Variants in MDM2 observed in about 807,000 individuals in gnomAD.
MDM2 encodes E3 ubiquitin-protein ligase Mdm2.
A neutral mutation model predicts 64.3 loss-of-function variants in MDM2; 11 were observed. The ratio of observed to expected loss-of-function variants is 0.17; its 90% CI spans 0.11 to 0.28. MDM2 has a LOEUF of 0.28. MDM2 is among the 10% of genes least tolerant of loss of function. The pLI, the probability that MDM2 is intolerant of heterozygous loss-of-function variation, is 1.00. For synonymous variants in MDM2, 194 were observed against 192.9 expected (o/e 1.01, Z -0.05); for missense variants, 388 against 577.1 (o/e 0.67, Z 3.36).
intron 7 of MDM2, chr12:68,824,899 T>A: frequency 2.3e-6 from 1 of 434,388 alleles, no homozygotes; most frequent in South Asian, 2.7e-5. Context: ...AACTCTCTGT[T>A]AAGATAGTAG....
chr12:68,818,320 A>G (rs1881558355), intron 4 of MDM2, among the ~76,000 whole-genome samples: 1 of 152,018 alleles, frequency 6.6e-6, no homozygotes, highest in Non-Finnish European at 1.5e-5. Context: ...TTATAACTTT[A>G]AAACAACCTT....
chr12:68,824,807 C>T, intron 7 of MDM2, 156 bp downstream of exon 7: 2 of 605,928 alleles, frequency 3.3e-6, no homozygotes, highest in South Asian at 2.1e-5. Context: ...ATTTGATTTA[C>T]AAATTGCTTA....
rs183077346 is a variant in MDM2, at chr12:68,843,521, T to A, written c.*3672T>A. 1 of 226,312 alleles carries A rather than the reference T, an allele frequency of 4.4e-6. No homozygotes were observed. Among genetic ancestry groups the A allele is most frequent in the Admixed American group, 5.7e-5 (1 of 17,546 alleles). 14.0% of individuals were successfully genotyped at this position (226,312 alleles called of 1,614,324 possible). On this transcript the variant is annotated 3_prime_UTR_variant, in exon 11 of 11. Transcript: ENST00000258149. ...GTGGATTAACTTCTTGATTTATATT[T>A]AAATATGAATCTTAAGCAAAACAGT...
At chr12:68,848,925 C>G (rs1053500543), downstream of MDM2, 1 of 152,050 alleles carries the variant, frequency 6.6e-6, no homozygotes, top group African/African-American at 2.4e-5. Context: ...ATTGGCCAGG[C>G]TGGTCTCGAA....
rs1225544458 is a variant in MDM2, at chr12:68,824,598, A to G, written c.470A>G (p.His157Arg). The change falls in exon 7 of 11, where the codon CAT (histidine) becomes CGT (arginine). Residue 157 changes from histidine (H) to arginine (R), a missense_variant. Physicochemically the swap from His to Arg is conservative, Grantham distance 29. Coordinates refer to ENST00000258149, the MANE Select transcript of MDM2 (RefSeq NM_002392.6). ...CAGGAAGAGAAACCTTCATCTTCAC[A>G]TTTGGTTTCTAGACCATCTACCTCA... Reference protein sequence around the residue: ...ELQEEKPSSSHLVSRPSTSSR... With the variant: ...ELQEEKPSSSRLVSRPSTSSR... 5 of 1,613,512 alleles carry G rather than the reference A, an allele frequency of 3.1e-6. No homozygotes were observed. The highest frequency in any genetic ancestry group is 4.2e-6 in the Non-Finnish European group (5 of 1,179,946).
At chr12:68,836,011 T>C (rs532876101) in intron 9 of MDM2, 27 bp downstream of exon 9, 3 of 1,528,616 alleles carry the variant, frequency 2.0e-6, no homozygotes. Flanking sequence ...CCTCTAATTA[T>C]ATTGGAAAAT....
At chr12:68,832,027 G>C (rs1006040748) in intron 8 of MDM2, among the ~76,000 whole-genome samples, 1 of 152,144 alleles carries the variant, frequency 6.6e-6, no homozygotes, top group Non-Finnish European at 1.5e-5. Context: ...CTGAGATCAC[G>C]CCATTGCACT....
chr12:68,833,092 C>G (rs1192712558), intron 8 of MDM2, among the ~76,000 whole-genome samples: 1 of 124,562 alleles, frequency 8.0e-6, no homozygotes, highest in African/African-American at 3.0e-5. Flanking sequence ...TGCCACTGCA[C>G]TCCAGCCTGG....
At position 68,842,503 on chromosome 12, in the gene MDM2, T is replaced by A; in HGVS notation, c.*2654T>A. The A allele has an allele frequency of 2.6e-6, 1 of 385,240 alleles. No homozygotes were observed. Among genetic ancestry groups the A allele is most frequent in the Non-Finnish European group, 5.1e-6 (1 of 197,858 alleles). The allele number at this position is 385,240 out of a possible 1,614,324, so 23.9% of individuals were successfully genotyped here. Reference sequence around the variant, plus strand: ...ATAAGGTCACTCCGATGAAAGGTGATTACAAAATCATCTACATTGCTGTCT... The same window carrying A: ...ATAAGGTCACTCCGATGAAAGGTGAATACAAAATCATCTACATTGCTGTCT... On this transcript the variant is annotated 3_prime_UTR_variant, in exon 11 of 11. Coordinates refer to ENST00000258149, the MANE Select transcript of MDM2 (RefSeq NM_002392.6).
intron 8 of MDM2, among the ~76,000 whole-genome samples, chr12:68,833,452 TAGAG>T (rs1306393584): frequency 7.0e-6 from 1 of 143,378 alleles, no homozygotes; most frequent in African/African-American, 2.5e-5. Flanking sequence ...AAAATATATA[TAGAG>T]AGAGATAATT....
At chr12:68,836,026 A>G (rs765963793) in intron 9 of MDM2, 42 bp downstream of exon 9, 31 of 1,472,600 alleles carry the variant, frequency 2.1e-5, no homozygotes, top group Non-Finnish European at 2.8e-5. Context: ...GAAAATTATT[A>G]AATATTTTCT....
At chr12:68,839,182 C>T (rs2136176640) in intron 10 of MDM2, 92 bp from the exon 11 acceptor site, 1 of 1,174,536 alleles carries the variant, frequency 8.5e-7, no homozygotes, top group Non-Finnish European at 1.2e-6. Context: ...CTATGATATA[C>T]TTTACCTTAG....
Position 68,840,796 on chromosome 12 carries a change from C to A in MDM2, c.*947C>A. 1 of 166,206 alleles carries A rather than the reference C, an allele frequency of 6.0e-6. No individual in the cohort carries two copies. The allele number at this position is 166,206 out of a possible 1,614,324, so 10.3% of individuals were successfully genotyped here. A position where few individuals can be genotyped will look rare whatever the true frequency, so the allele number is the denominator to read the frequency against. On this transcript the variant is annotated 3_prime_UTR_variant, in exon 11 of 11. Coordinates refer to ENST00000258149, the MANE Select transcript of MDM2 (RefSeq NM_002392.6). ...TGCTGGGATTGCAGATGTGAGCCAC[C>A]ATGTCCAGCCAAGAATTAGTATTTA...
rs1373441146 is a variant in MDM2, at chr12:68,808,424, G to T, written c.-54G>T. On this transcript the variant is annotated 5_prime_UTR_variant, in exon 1 of 11. It removes the in-frame stop codon of an upstream open reading frame in the 5' UTR. Transcript: ENST00000258149. ...GGCGTCGTGCTTCCGCGCGCCCCGTGAAGGAAACTGGGGAGTCTTGAGGGA... is the reference window on the plus strand; with the variant it reads ...GGCGTCGTGCTTCCGCGCGCCCCGTTAAGGAAACTGGGGAGTCTTGAGGGA... 2 of 1,613,442 alleles carry T rather than the reference G, an allele frequency of 1.2e-6. No individual in the cohort carries two copies. Among genetic ancestry groups the T allele is most frequent in the African/African-American group, 2.7e-5 (2 of 74,914 alleles).
intron 7 of MDM2, among the ~76,000 whole-genome samples, chr12:68,825,879 A>G (rs1882275577): frequency 6.6e-6 from 1 of 152,234 alleles, no homozygotes; most frequent in Non-Finnish European, 1.5e-5. Flanking sequence ...GCAGAGGTGG[A>G]ACTAGAACAA....
intron 2 of MDM2, 32 bp downstream of exon 2, chr12:68,809,324 A>G: frequency 6.3e-7 from 1 of 1,577,566 alleles, no homozygotes; most frequent in Non-Finnish European, 8.7e-7. Flanking sequence ...AACTTTTAAG[A>G]ATAATTTATT....
rs895665324 is a variant in MDM2, at chr12:68,808,188, G to C, written c.-290G>C. On this transcript the variant is annotated 5_prime_UTR_variant, in exon 1 of 11. Coordinates refer to ENST00000258149, the MANE Select transcript of MDM2 (RefSeq NM_002392.6). Reference sequence around the variant, plus strand: ...CCTCGGGCGGTAGGGGGCGCGCACCGAGGCACCGCGGCGAGCTTGGCTGCT... The same window carrying C: ...CCTCGGGCGGTAGGGGGCGCGCACCCAGGCACCGCGGCGAGCTTGGCTGCT... 7.8e-6 allele frequency: 4 copies of C among 514,426 alleles called. No individual in the cohort carries two copies. Among genetic ancestry groups the C allele is most frequent in the Non-Finnish European group, 1.0e-5 (3 of 292,944 alleles). 31.9% of individuals were successfully genotyped at this position (514,426 alleles called of 1,614,324 possible). A position where few individuals can be genotyped will look rare whatever the true frequency, so the allele number is the denominator to read the frequency against.
chr12:68,813,196 A>G (rs894252080), intron 2 of MDM2, among the ~76,000 whole-genome samples: 1 of 152,220 alleles, frequency 6.6e-6, no homozygotes, highest in African/African-American at 2.4e-5. Flanking sequence ...GAAGATTGAT[A>G]ACAGGACCCA....
chr12:68,839,366 T>C lies in MDM2; in HGVS notation c.1011T>C (p.Pro337=). 6.2e-7 allele frequency: 1 copy of C among 1,613,888 alleles called. No homozygotes were observed. The highest frequency in any genetic ancestry group is 1.1e-5 in the South Asian group (1 of 91,064). The change falls in exon 11 of 11, where the codon CCT becomes CCC. Residue 337 remains proline (P), a synonymous_variant. Coordinates refer to ENST00000258149, the MANE Select transcript of MDM2 (RefSeq NM_002392.6). ...GGGCCCTTCGTGAGAATTGGCTTCC[T>C]GAAGATAAAGGGAAAGATAAAGGGG... is the stretch of plus-strand genomic sequence containing the variant. ...RCWALRENWL[P]EDKGKDKGEI...
Sources: gnomAD v4.1 joint callset for allele counts (sites outside exome capture counted in the v4.1 genomes callset) on GRCh38, gnomAD v4.1.1 for gene constraint, MANE v1.5 for transcripts, NCBI Gene and HGNC (gene_info 2026-07-23, HGNC 2026-07-21) for gene names.